Variants in SHISA9 observed in about 807,000 individuals in gnomAD.
SHISA9 encodes the protein protein shisa-9.
In SHISA9, 13 loss-of-function variants were observed where a neutral mutation model predicts 38.0. The ratio of observed to expected loss-of-function variants is 0.34; its 90% CI spans 0.22 to 0.54. The LOEUF is 0.54. Ranked by LOEUF, SHISA9 falls within the 20% of genes least tolerant of loss-of-function variation. The pLI is 0.91. For missense variants in SHISA9, 538 were observed against 575.8 expected, an observed-to-expected ratio of 0.93 and a Z score of 0.67; for synonymous variants, 275 against 242.0, an observed-to-expected ratio of 1.14 and a Z score of -1.27.
At chr16:13,521,823 C>G in the SHISA9 span, among the ~76,000 whole-genome samples, 16 of 152,088 alleles carry the variant, frequency 1.1e-4, no homozygotes, top group African/African-American at 3.9e-4. Flanking sequence ...GATAAGTCAC[C>G]AAAATATCAC....
the SHISA9 span, among the ~76,000 whole-genome samples, chr16:13,515,719 C>G: frequency 6.6e-6 from 1 of 151,960 alleles, no homozygotes; most frequent in East Asian, 1.9e-4. Context: ...TAGAAACACA[C>G]CATAATAAAT....
At chr16:12,969,305 T>C (rs2141805301) in intron 2 of SHISA9, among the ~76,000 whole-genome samples, 1 of 151,826 alleles carries the variant, frequency 6.6e-6, no homozygotes, top group African/African-American at 2.4e-5. Context: ...GGGTGGTTAA[T>C]GTAAAAAAAA....
the SHISA9 span, among the ~76,000 whole-genome samples, chr16:13,348,097 C>T: frequency 0.79 from 119,952 of 152,122 alleles, 47,580 homozygotes; most frequent in East Asian, 0.96. Context: ...ACTAAGTCTG[C>T]GGTTAGTTGT....
intron 3 of SHISA9, 79 bp from the exon 4 acceptor site, chr16:13,213,174 G>A: frequency 7.5e-7 from 1 of 1,324,924 alleles, no homozygotes; most frequent in Non-Finnish European, 1.1e-6. Context: ...GCAGCCAACA[G>A]CACCTGGGTG....
chr16:13,543,351 GTAAC>G, the SHISA9 span, among the ~76,000 whole-genome samples: 1 of 152,202 alleles, frequency 6.6e-6, no homozygotes, highest in Non-Finnish European at 1.5e-5. Context: ...CACTTCAAGA[GTAAC>G]TGACACATAG....
Position 13,001,875 on chromosome 16 carries a change from G to A in SHISA9, c.691+85060G>A, listed in dbSNP as rs1034984418. Among the ~76,000 whole-genome samples, 4 of 152,200 alleles carry A rather than the reference G, an allele frequency of 2.6e-5. No homozygotes were observed. In the South Asian group the frequency reaches 6.2e-4, roughly 24 times the overall value. On this transcript the variant is annotated intron_variant, in intron 2 of 4. Transcript: ENST00000558583. ...GGTTGATGAGTGGGTAGAGGGGAGG[G>A]TAGATGAATAAATAGGTGATAAAAA...
chr16:12,967,088 T>C (rs964325011), intron 2 of SHISA9, among the ~76,000 whole-genome samples: 4 of 152,208 alleles, frequency 2.6e-5, no homozygotes, highest in Non-Finnish European at 4.4e-5. Flanking sequence ...TAAATCATGC[T>C]GCTATAAAGA....
At chr16:13,127,690 A>AT (rs1360791771) in intron 2 of SHISA9, among the ~76,000 whole-genome samples, 1 of 152,058 alleles carries the variant, frequency 6.6e-6, no homozygotes, top group African/African-American at 2.4e-5. Context: ...AAGCTTAGGA[A>AT]TTTTTTATTC....
At chr16:13,436,394 G>A in the SHISA9 span, among the ~76,000 whole-genome samples, 1 of 152,152 alleles carries the variant, frequency 6.6e-6, no homozygotes, top group African/African-American at 2.4e-5. Flanking sequence ...AAAATGCCAT[G>A]GCAATGTCCA....
intron 2 of SHISA9, among the ~76,000 whole-genome samples, chr16:12,960,519 A>ATGCCCATCTAGTCTATCAT (rs2071895364): frequency 6.6e-6 from 1 of 152,172 alleles, no homozygotes; most frequent in South Asian, 2.1e-4. Context: ...ATCAACCCAA[A>ATGCCCATCTAGTCTATCAT]TGCCCATCAA....
At chr16:12,983,463 T>C (rs1235217537) in intron 2 of SHISA9, among the ~76,000 whole-genome samples, 1 of 152,192 alleles carries the variant, frequency 6.6e-6, no homozygotes, top group Non-Finnish European at 1.5e-5. Context: ...CATTATTTTT[T>C]CTTATGTGGA....
chr16:13,321,697 A>G, the SHISA9 span, among the ~76,000 whole-genome samples: 3 of 152,188 alleles, frequency 2.0e-5, no homozygotes, highest in African/African-American at 7.2e-5. Context: ...CCTGTCTGAT[A>G]ATCTCCAGGT....
chr16:13,545,186 A>G, the SHISA9 span, among the ~76,000 whole-genome samples: 16 of 152,228 alleles, frequency 1.1e-4, no homozygotes, highest in Admixed American at 7.9e-4. Flanking sequence ...AGATCCAAAG[A>G]AGCCGAATAA....
chr16:13,560,927 A>G, the SHISA9 span, among the ~76,000 whole-genome samples: 1 of 152,076 alleles, frequency 6.6e-6, no homozygotes, highest in Non-Finnish European at 1.5e-5. Context: ...GCAGTGGCAC[A>G]ATCTCGGCTC....
intron 2 of SHISA9, among the ~76,000 whole-genome samples, chr16:13,116,615 A>G (rs1385562695): frequency 1.3e-5 from 2 of 152,202 alleles, no homozygotes; most frequent in Non-Finnish European, 1.5e-5. Context: ...TTTGAATCCC[A>G]TCATTTCTGG....
At chr16:13,420,224 CAA>C in the SHISA9 span, among the ~76,000 whole-genome samples, 10 of 98,534 alleles carry the variant, frequency 1.0e-4, no homozygotes, top group African/African-American at 4.2e-4. Context: ...CCAGCCTGGG[CAA>C]CAGAGTGAGA....
the SHISA9 span, among the ~76,000 whole-genome samples, chr16:13,346,908 T>C: frequency 1.5e-4 from 23 of 152,210 alleles, no homozygotes; most frequent in African/African-American, 5.5e-4. Flanking sequence ...ATAAATAGTA[T>C]TGTGCTATAA....
chr16:13,287,708 A>G, the SHISA9 span, among the ~76,000 whole-genome samples: 1 of 152,168 alleles, frequency 6.6e-6, no homozygotes, highest in Non-Finnish European at 1.5e-5. Flanking sequence ...GATGTAGAGC[A>G]TAGACTGGAT....
the SHISA9 span, among the ~76,000 whole-genome samples, chr16:13,397,527 T>C: frequency 6.6e-6 from 1 of 152,152 alleles, no homozygotes; most frequent in Non-Finnish European, 1.5e-5. Context: ...CTTCACCTCC[T>C]GGGTTCAAGC....
Sources: gnomAD v4.1 joint callset for allele counts (sites outside exome capture counted in the v4.1 genomes callset) on GRCh38, gnomAD v4.1.1 for gene constraint, MANE v1.5 for transcripts, NCBI Gene and HGNC (gene_info 2026-07-23, HGNC 2026-07-21) for gene names.